Variants in ASIC2 observed in about 807,000 individuals in gnomAD.
ASIC2 encodes acid sensing ion channel subunit 2, also known as acid-sensing ion channel 2.
A neutral mutation model predicts 57.3 loss-of-function variants in ASIC2; 25 were observed. That is an observed-to-expected ratio of 0.44 (90% CI 0.32 to 0.61). The LOEUF is 0.61. ASIC2 is among the 20% of genes least tolerant of loss of function. The probability of loss-of-function intolerance (pLI) is 0.06; values close to 1 mark genes in which losing one functional copy is unlikely to be tolerated. For synonymous variants in ASIC2, 319 were observed against 307.5 expected (o/e 1.04, Z -0.39); for missense variants, 641 against 738.1 (o/e 0.87, Z 1.52).
At chr17:33,412,308 A>G (rs1910692129) in intron 1 of ASIC2, among the ~76,000 whole-genome samples, 1 of 152,194 alleles carries the variant, frequency 6.6e-6, no homozygotes, top group Non-Finnish European at 1.5e-5. Context: ...GTTGATCACC[A>G]GGATGTCATG....
chr17:33,255,003 G>A, intron 1 of ASIC2, among the ~76,000 whole-genome samples: 1 of 140,086 alleles, frequency 7.1e-6, no homozygotes, highest in Admixed American at 7.3e-5. Context: ...TTAATAATTA[G>A]ACAAAATGCT....
At chr17:33,399,945 T>C (rs1910222011) in intron 1 of ASIC2, among the ~76,000 whole-genome samples, 1 of 152,218 alleles carries the variant, frequency 6.6e-6, no homozygotes. Flanking sequence ...ATCTGTCTCA[T>C]TAGTTAACTT....
intron 1 of ASIC2, among the ~76,000 whole-genome samples, chr17:33,825,608 TGTCTGGCA>T (rs1669124198): frequency 1.3e-5 from 2 of 152,242 alleles, no homozygotes; most frequent in Admixed American, 6.5e-5. Flanking sequence ...CATCTTGCTA[TGTCTGGCA>T]GTTCACCACC....
intron 1 of ASIC2, among the ~76,000 whole-genome samples, chr17:33,558,857 C>A (rs1249224063): frequency 6.6e-6 from 1 of 152,088 alleles, no homozygotes; most frequent in Admixed American, 6.5e-5. Flanking sequence ...ACCTCTGCCT[C>A]CCAAATTCAA....
chr17:33,613,953 G>A (rs1039096183), intron 1 of ASIC2, among the ~76,000 whole-genome samples: 55 of 152,202 alleles, frequency 3.6e-4, no homozygotes, highest in African/African-American at 1.3e-3. Flanking sequence ...GAATATTCCT[G>A]TACCTATATT....
intron 1 of ASIC2, among the ~76,000 whole-genome samples, chr17:33,321,801 A>G (rs150714684): frequency 0.013 from 1,932 of 152,282 alleles, 24 homozygotes; most frequent in Middle Eastern, 0.044. Flanking sequence ...TGAGTTTACA[A>G]CCCCTTAATG....
chr17:33,862,742 C>T (rs186869628), intron 1 of ASIC2, among the ~76,000 whole-genome samples: 15 of 152,334 alleles, frequency 9.8e-5, no homozygotes, highest in African/African-American at 3.6e-4. Flanking sequence ...ATACACACCT[C>T]TTCTTTTGAC....
intron 1 of ASIC2, among the ~76,000 whole-genome samples, chr17:33,449,958 G>A (rs1912185285): frequency 2.0e-5 from 3 of 152,062 alleles, no homozygotes; most frequent in Admixed American, 1.3e-4. Flanking sequence ...AGTAGAGATG[G>A]GGTTTCACTA....
chr17:33,902,538 T>C (rs57231723), intron 1 of ASIC2, among the ~76,000 whole-genome samples: 14,413 of 152,278 alleles, frequency 0.095, 1,309 homozygotes, highest in East Asian at 0.29. Context: ...GACACATCTT[T>C]GTCCTTGTGG....
At chr17:33,566,331 G>T (rs1412526590) in intron 1 of ASIC2, among the ~76,000 whole-genome samples, 3 of 152,142 alleles carry the variant, frequency 2.0e-5, no homozygotes, top group Non-Finnish European at 2.9e-5. Flanking sequence ...TCCTATAAAG[G>T]AGCCACCCCT....
chr17:33,173,353 A>G (rs1905604762), intron 1 of ASIC2, among the ~76,000 whole-genome samples: 1 of 152,126 alleles, frequency 6.6e-6, no homozygotes, highest in Admixed American at 6.5e-5. Context: ...GCAGCAGAAA[A>G]CATGGCCACC....
chr17:33,283,396 C>G (rs1393774464), intron 1 of ASIC2, among the ~76,000 whole-genome samples: 1 of 152,114 alleles, frequency 6.6e-6, no homozygotes, highest in East Asian at 1.9e-4. Flanking sequence ...AGGCCTTGCC[C>G]CAACCTACTG....
chr17:33,219,713 G>A (rs72819155), intron 1 of ASIC2, among the ~76,000 whole-genome samples: 9 of 152,144 alleles, frequency 5.9e-5, no homozygotes, highest in South Asian at 2.1e-4. Context: ...TTCAAATGGC[G>A]TGGGAATTTT....
At chr17:34,062,738 A>G (rs1364466556) in intron 1 of ASIC2, among the ~76,000 whole-genome samples, 1 of 152,196 alleles carries the variant, frequency 6.6e-6, no homozygotes, top group East Asian at 1.9e-4. Flanking sequence ...GCTACTGTGA[A>G]CACCTTTACG....
At chr17:34,082,078 C>T (rs980420420) in intron 1 of ASIC2, 1 of 152,130 alleles carries the variant, frequency 6.6e-6, no homozygotes, top group Non-Finnish European at 1.5e-5. Context: ...CCTAGGATGC[C>T]CTCATACTTT....
chr17:33,414,529 C>G (rs991167661), intron 1 of ASIC2, among the ~76,000 whole-genome samples: 7 of 152,134 alleles, frequency 4.6e-5, no homozygotes, highest in African/African-American at 1.7e-4. Flanking sequence ...ACCGACTGGG[C>G]TTTACCTGGA....
At chr17:33,280,705 A>G in intron 1 of ASIC2, among the ~76,000 whole-genome samples, 1 of 152,242 alleles carries the variant, frequency 6.6e-6, no homozygotes, top group Non-Finnish European at 1.5e-5. Context: ...ATGGTAATAA[A>G]GTGAATCAAC....
chr17:33,557,049 C>T (rs1213077739), intron 1 of ASIC2, among the ~76,000 whole-genome samples: 2 of 152,176 alleles, frequency 1.3e-5, no homozygotes, highest in Non-Finnish European at 2.9e-5. Flanking sequence ...TTATCATCAT[C>T]ACATTAGCTA....
At chr17:33,023,297 C>T (rs1243191514) in intron 6 of ASIC2, among the ~76,000 whole-genome samples, 1 of 152,018 alleles carries the variant, frequency 6.6e-6, no homozygotes, top group Non-Finnish European at 1.5e-5. Context: ...ACCATTCTGG[C>T]TAACACACGG....
Sources: gnomAD v4.1 joint callset for allele counts (sites outside exome capture counted in the v4.1 genomes callset) on GRCh38, gnomAD v4.1.1 for gene constraint, MANE v1.5 for transcripts, NCBI Gene and HGNC (gene_info 2026-07-23, HGNC 2026-07-21) for gene names.